DMRT1: variants seen among roughly 807,000 people sequenced by gnomAD.
DMRT1 encodes doublesex- and mab-3-related transcription factor 1.
A neutral mutation model predicts 32.3 loss-of-function variants in DMRT1; 7 were observed. The ratio of observed to expected loss-of-function variants is 0.22; its 90% confidence interval spans 0.12 to 0.41. DMRT1 has a LOEUF of 0.41. DMRT1 is among the 10% of genes least tolerant of loss of function. DMRT1 has a pLI of 1.00. For missense variants in DMRT1, 625 were observed against 500.5 expected (o/e 1.25, Z -2.37); for synonymous variants, 278 against 206.1 (o/e 1.35, Z -2.99).
chr9:902,238 T>A (rs1392181183), intron 3 of DMRT1, among the ~76,000 whole-genome samples: 1 of 147,688 alleles, frequency 6.8e-6, no homozygotes, highest in African/African-American at 2.5e-5. Flanking sequence ...CATAAAGTGA[T>A]GTATTAGATG....
chr9:863,201 C>T (rs1450927381), intron 2 of DMRT1, among the ~76,000 whole-genome samples: 4 of 149,606 alleles, frequency 2.7e-5, no homozygotes, highest in Non-Finnish European at 5.9e-5. Context: ...GCTTTTAGTC[C>T]CAGCTGCTTG....
At chr9:943,611 T>G (rs10119951) in intron 4 of DMRT1, among the ~76,000 whole-genome samples, 41,196 of 152,096 alleles carry the variant, frequency 0.27, 8,238 homozygotes, top group African/African-American at 0.56. Flanking sequence ...TTTCCTTAAA[T>G]TCTGAAGGTC....
chr9:859,017 C>A (rs1010756166), intron 2 of DMRT1, among the ~76,000 whole-genome samples: 12 of 151,990 alleles, frequency 7.9e-5, no homozygotes, highest in Admixed American at 3.3e-4. Flanking sequence ...ACCCATTAAA[C>A]GATTATTTCC....
At position 845,499 on chromosome 9, in the gene DMRT1, C is replaced by T. The variant is rs148278864; in HGVS notation, c.355-1461C>T. ...ATGGGATTACAGGTGTGAGCAACCC[C>T]GCCTGGCCTTTTTTCAATCTTTAAC... On this transcript the variant is annotated intron_variant, in intron 1 of 4. Coordinates refer to ENST00000382276, the MANE Select transcript of DMRT1 (RefSeq NM_021951.3). Among the ~76,000 whole-genome samples the T allele has an allele frequency of 4.6e-3, 694 of 152,226 alleles. 1 individual carries two copies. The highest frequency in any genetic ancestry group is 0.016 in the African/African-American group (657 of 41,544).
intron 2 of DMRT1, among the ~76,000 whole-genome samples, chr9:869,678 G>A (rs1484968179): frequency 6.6e-6 from 1 of 151,958 alleles, no homozygotes; most frequent in African/African-American, 2.4e-5. Flanking sequence ...TATTTAATCT[G>A]CAGTGACTTT....
intron 4 of DMRT1, among the ~76,000 whole-genome samples, chr9:944,810 T>A (rs925191282): frequency 2.0e-5 from 3 of 152,196 alleles, no homozygotes; most frequent in Non-Finnish European, 4.4e-5. Flanking sequence ...CATAAAATAT[T>A]ACTATTCTAT....
chr9:845,117 A>C (rs11792189), intron 1 of DMRT1, among the ~76,000 whole-genome samples: 1 of 152,200 alleles, frequency 6.6e-6, no homozygotes, highest in African/African-American at 2.4e-5. Flanking sequence ...TTTCATAAGC[A>C]CCATACCTTA....
At chr9:852,542 C>T (rs957795525) in intron 2 of DMRT1, among the ~76,000 whole-genome samples, 3 of 152,126 alleles carry the variant, frequency 2.0e-5, no homozygotes, top group African/African-American at 7.2e-5. Flanking sequence ...TGCTGTTTGA[C>T]ACAGTACTTA....
At chr9:905,714 A>C (rs934954861) in intron 3 of DMRT1, among the ~76,000 whole-genome samples, 13 of 152,164 alleles carry the variant, frequency 8.5e-5, no homozygotes, top group African/African-American at 3.1e-4. Context: ...GCCCTGGAAC[A>C]GTGTCACGCT....
At chr9:950,648 A>G (rs1819398136) in intron 4 of DMRT1, among the ~76,000 whole-genome samples, 1 of 152,202 alleles carries the variant, frequency 6.6e-6, no homozygotes, top group Non-Finnish European at 1.5e-5. Context: ...TCATTTCACA[A>G]GCCTGCTTCC....
At chr9:863,345 G>A (rs887298651) in intron 2 of DMRT1, among the ~76,000 whole-genome samples, 5 of 150,900 alleles carry the variant, frequency 3.3e-5, no homozygotes, top group East Asian at 1.9e-4. Context: ...AAAGGGCAGG[G>A]GAAGTGTGGA....
intron 2 of DMRT1, among the ~76,000 whole-genome samples, chr9:867,932 A>G: frequency 6.6e-6 from 1 of 152,130 alleles, no homozygotes; most frequent in East Asian, 1.9e-4. Context: ...GCTTTTAGTC[A>G]TCTTTGTGGT....
At chr9:875,134 G>GA (rs1564214958) in intron 2 of DMRT1, among the ~76,000 whole-genome samples, 2 of 151,942 alleles carry the variant, frequency 1.3e-5, no homozygotes, top group Non-Finnish European at 2.9e-5. Context: ...AAACCTGTAT[G>GA]TTTGTAGGAG....
intron 3 of DMRT1, among the ~76,000 whole-genome samples, chr9:897,193 A>G (rs946282816): frequency 3.3e-5 from 5 of 151,258 alleles, no homozygotes; most frequent in Admixed American, 6.6e-5. Context: ...GCTCACTGCA[A>G]CCTCTGCCTC....
Position 864,700 on chromosome 9 carries a change from C to CAG in DMRT1, c.538+17557_538+17558insAG, listed in dbSNP as rs1417447188. 3.8e-4 allele frequency among the ~76,000 whole-genome samples: 58 copies of CAG among 151,322 alleles called. 1 individual carries two copies. In the Middle Eastern group the frequency reaches 0.01, roughly 27 times the overall value. Reference sequence around the variant, plus strand: ...TATTTTTAGTAGAGACAGGGTTTCACCATGTTAGCCAGGATGGTCTCCATC... The same window carrying CAG: ...TATTTTTAGTAGAGACAGGGTTTCACAGCATGTTAGCCAGGATGGTCTCCATC... On this transcript the variant is annotated intron_variant, in intron 2 of 4. Coordinates refer to ENST00000382276, the MANE Select transcript of DMRT1 (RefSeq NM_021951.3).
intron 2 of DMRT1, 84 bp from the exon 3 acceptor site, chr9:893,828 G>T (rs1817244047): frequency 7.5e-7 from 1 of 1,324,692 alleles, no homozygotes; most frequent in East Asian, 2.3e-5. Flanking sequence ...TGCTCCGCAG[G>T]TCTTGGGTAG....
intron 4 of DMRT1, among the ~76,000 whole-genome samples, chr9:950,439 G>A (rs561390915): frequency 6.6e-6 from 1 of 152,136 alleles, no homozygotes; most frequent in East Asian, 1.9e-4. Flanking sequence ...TTCTGGCTCT[G>A]ATACTCAGCA....
chr9:842,882 C>T (rs2132533927), intron 1 of DMRT1: 1 of 152,502 alleles, frequency 6.6e-6, no homozygotes, highest in South Asian at 2.1e-4. Context: ...ATCCCAGAGC[C>T]CGCGTTCCAA....
At position 862,027 on chromosome 9, in the gene DMRT1, C is replaced by A. The variant is rs1288003117; in HGVS notation, c.538+14884C>A. Among the ~76,000 whole-genome samples, 3 of 150,662 alleles carry A rather than the reference C, an allele frequency of 2.0e-5. No individual in the cohort carries two copies. The East Asian group carries it at 5.8e-4, about 29-fold the overall frequency. ...CTCCTCACTTCCCAGACTGGGCGGC[C>A]GGGCGGAGGGGCTCCTCACATCCCA... On this transcript the variant is annotated intron_variant, in intron 2 of 4. Transcript: ENST00000382276.
Sources: allele counts gnomAD v4.1 joint callset (sites outside exome capture counted in the v4.1 genomes callset), GRCh38; gene constraint gnomAD v4.1.1; transcripts MANE v1.5; gene names NCBI Gene and HGNC (gene_info 2026-07-23, HGNC 2026-07-21).